The following CCDC187 variants were observed in gnomAD, a reference collection of about 807,000 sequenced individuals.
The protein encoded by CCDC187 is coiled-coil domain-containing protein 187.
Under a neutral mutation model 38.0 loss-of-function variants are expected in CCDC187, and 32 were observed. That is an observed-to-expected ratio of 0.84 (90% CI 0.64 to 1.13). The LOEUF (loss-of-function observed/expected upper bound fraction) is 1.13. Among genes scored for constraint, CCDC187 ranks in the 50% most tolerant of loss-of-function variants. CCDC187 has a pLI of 0.00. For synonymous variants in CCDC187, 333 were observed against 347.9 expected (o/e 0.96, Z 0.48); for missense variants, 707 against 786.8 (o/e 0.90, Z 1.21).
intron 15 of CCDC187, chr9:136,267,818 C>T (rs1196417241): frequency 1.0e-6 from 1 of 981,404 alleles, no homozygotes; most frequent in Non-Finnish European, 1.2e-6. Flanking sequence ...GCTAACCCTG[C>T]CCAAAGCACC....
In CCDC187 at chr9:136,258,029, G is replaced by A. The variant is rs1019982367; in HGVS notation, c.4366+903C>T. Among the ~76,000 whole-genome samples the A allele has an allele frequency of 6.6e-6, 1 of 152,188 alleles. No homozygotes were observed. On this transcript the variant is annotated intron_variant, in intron 22 of 25. Transcript: ENST00000638797. This position sits in a 1 kb window ranked among gnomAD's most constrained non-coding sequence, Gnocchi z 4.3. ...CAGGCGCCTGGCTGGCCCCCCGAAC[G>A]GTGACAGCTGGTACACGTGGCCATG... is the stretch of plus-strand genomic sequence containing the variant.
At chr9:136,294,201 C>T (rs1354084498) in intron 4 of CCDC187, among the ~76,000 whole-genome samples, 2 of 151,608 alleles carry the variant, frequency 1.3e-5, no homozygotes, top group African/African-American at 4.9e-5. Context: ...CACATGTGCT[C>T]TCACACACAC....
chr9:136,306,216 G>A (rs1204907531), upstream of CCDC187, among the ~76,000 whole-genome samples: 1 of 152,164 alleles, frequency 6.6e-6, no homozygotes, highest in Non-Finnish European at 1.5e-5. Flanking sequence ...CTGCAGCCAG[G>A]CCCAGCCAGC....
At position 136,281,551 on chromosome 9, in the gene CCDC187, C is replaced by T. The variant is rs1383133821; in HGVS notation, c.3040G>A (p.Gly1014Ser). 3.3e-5 allele frequency: 13 copies of T among 398,570 alleles called. No individual in the cohort carries two copies. The highest frequency in any genetic ancestry group is 2.1e-4 in the East Asian group (6 of 28,064). The allele number at this position is 398,570 out of a possible 1,614,324, so 24.7% of individuals were successfully genotyped here. ...SVAPCTPRSC[G>S]QQEDPCVRCL... ...GGCCTGTCCGCAGGGTCGCCCTTAC[C>T]GCAGCTCCGGGGGGTGCAGGGCGCC... The change falls in exon 10 of 26, where the codon GGT (glycine) becomes AGT (serine). Residue 1014 changes from glycine to serine, a missense_variant and splice_region_variant. Transcript: ENST00000638797.
At chr9:136,260,377 A>C in intron 19 of CCDC187, 113 bp from the exon 20 acceptor site, 2 of 801,592 alleles carry the variant, frequency 2.5e-6, no homozygotes, top group Non-Finnish European at 1.5e-6. Context: ...ACCTCATGTC[A>C]CATCCAGGGA....
Position 136,250,279 on chromosome 9 carries a change from AG to A in CCDC187, c.*3314del, listed in dbSNP as rs535842580. 199 of 167,794 alleles carry A rather than the reference AG, an allele frequency of 1.2e-3. No individual in the cohort carries two copies. Among genetic ancestry groups the A allele is most frequent in the African/African-American group, 4.6e-3 (191 of 41,738 alleles). The allele number at this position is 167,794 out of a possible 1,614,324, so 10.4% of individuals were successfully genotyped here. A position where few individuals can be genotyped will look rare whatever the true frequency, so the allele number is the denominator to read the frequency against. ...CGTTCCTCACGACCAGCCCCCTTCA[AG>A]GGCACCCTACCACCTGCCAGCGACG... On this transcript the variant is annotated 3_prime_UTR_variant, in exon 26 of 26. Coordinates refer to ENST00000638797, the MANE Select transcript of CCDC187 (RefSeq NM_001378188.1).
chr9:136,302,242 C>T (rs1353447671), intron 2 of CCDC187, among the ~76,000 whole-genome samples: 1 of 152,090 alleles, frequency 6.6e-6, no homozygotes, highest in African/African-American at 2.4e-5. Context: ...TCCCTGTTTT[C>T]TTAGGAAAAG....
rs934086260 is a variant in CCDC187 at position 136,263,756 on chromosome 9, G to A, written c.3778C>T (p.Arg1260Trp). ...TGCTGCAGAAGCAGCTTCCTGTCCCGGTGCCTGAACAGCTGCGTGTGTCTC... is the reference window on the plus strand; with the variant it reads ...TGCTGCAGAAGCAGCTTCCTGTCCCAGTGCCTGAACAGCTGCGTGTGTCTC... ...YLRHTQLFRHRDRKLLLQHQR... is the reference protein window; with the variant it reads ...YLRHTQLFRHWDRKLLLQHQR... Residue 1260 changes from arginine to tryptophan, a missense_variant, in exon 18 of 26, where the codon CGG (arginine) becomes TGG (tryptophan). By Grantham distance (101) the Arg-to-Trp change is moderately radical. Transcript: ENST00000638797. 11 of 985,358 alleles carry A rather than the reference G, an allele frequency of 1.1e-5. No individual in the cohort carries two copies. Among genetic ancestry groups the A allele is most frequent in the East Asian group, 2.3e-4 (2 of 8,826 alleles). 61.0% of individuals were successfully genotyped at this position (985,358 alleles called of 1,614,324 possible).
Position 136,291,261 on chromosome 9 carries a change from C to T in CCDC187, c.1352G>A (p.Ser451Asn). 1 of 398,842 alleles carries T rather than the reference C, an allele frequency of 2.5e-6. No homozygotes were observed. Among genetic ancestry groups the T allele is most frequent in the Non-Finnish European group, 4.4e-6 (1 of 226,188 alleles). The allele number at this position is 398,842 out of a possible 1,614,324, so 24.7% of individuals were successfully genotyped here. ...ARSVHTWEPW[S>N]SSTARESCPQ... ...ACAGGACTCCCGTGCAGTGGAGGAGCTCCAGGGCTCCCAGGTGTGGACACT... is the reference window on the plus strand; with the variant it reads ...ACAGGACTCCCGTGCAGTGGAGGAGTTCCAGGGCTCCCAGGTGTGGACACT... The change falls in exon 6 of 26, where the codon AGC becomes AAC. Residue 451 changes from serine (S) to asparagine (N), a missense_variant. By Grantham distance (46) the Ser-to-Asn change is conservative. Transcript: ENST00000638797.
At chr9:136,293,373 ACACTCACACT>A (rs1831410441) in intron 4 of CCDC187, among the ~76,000 whole-genome samples, 1 of 139,032 alleles carries the variant, frequency 7.2e-6, no homozygotes, top group Non-Finnish European at 1.6e-5. Context: ...ACATGCTCAC[ACACTCACACT>A]CACATGCTCA....
intron 14 of CCDC187, among the ~76,000 whole-genome samples, chr9:136,268,873 C>G (rs73670222): frequency 6.6e-6 from 1 of 152,182 alleles, no homozygotes. Flanking sequence ...GGCTTACTGC[C>G]TCAGAGAGTT....
chr9:136,259,363 G>A lies in CCDC187; in HGVS notation c.4296C>T (p.Pro1432=), dbSNP rs78449144. The A allele has an allele frequency of 0.018, 17,320 of 983,538 alleles. 804 individuals are homozygous for A. The East Asian group carries it at 0.23, about 13-fold the overall frequency. The allele number at this position is 983,538 out of a possible 1,614,324, so 60.9% of individuals were successfully genotyped here. ...PDGQRLGPAF[P]AEEAEGRLPT... ...AAGGGCTTCCAGGGAGAGTGCGTAC[G>A]GGAAAGGCTGGGCCCAGCCGCTGTC... The change falls in exon 21 of 26, where the codon CCC becomes CCT. Residue 1432 remains proline, a splice_region_variant and synonymous_variant. Transcript: ENST00000638797.
chr9:136,295,123 C>T (rs1016091625), intron 4 of CCDC187, among the ~76,000 whole-genome samples: 2 of 152,200 alleles, frequency 1.3e-5, no homozygotes, highest in Admixed American at 6.5e-5. Context: ...TGTCAAAGGC[C>T]GGAGTTGAGG....
At chr9:136,289,188 G>A (rs998572247) in intron 7 of CCDC187, among the ~76,000 whole-genome samples, 2 of 152,132 alleles carry the variant, frequency 1.3e-5, no homozygotes, top group African/African-American at 2.4e-5. Context: ...AGCCAGACCC[G>A]TACTTGGTGA....
chr9:136,267,610 C>G (rs1185728700), intron 15 of CCDC187, 99 bp from the exon 16 acceptor site: 5 of 985,504 alleles, frequency 5.1e-6, no homozygotes, highest in East Asian at 1.1e-4. Context: ...CGCCTAGCTT[C>G]TAGACCGCTC....
rs992544029 is a variant in CCDC187, at chr9:136,253,706, C to T, written c.6122G>A (p.Gly2041Glu). Residue 2041 changes from glycine to glutamate, a missense_variant, in exon 26 of 26, where the codon GGG (glycine) becomes GAG (glutamate). Transcript: ENST00000638797. Reference protein sequence around the residue: ...CSDAFPSPPSGPLEEDTAITT... With the variant: ...CSDAFPSPPSEPLEEDTAITT... ...GATGGCGGTGTCCTCCTCAAGGGGC[C>T]CCGAGGGCGGGGAAGGGAAGGCATC... 3 of 985,416 alleles carry T rather than the reference C, an allele frequency of 3.0e-6. No individual in the cohort carries two copies. The East Asian group carries it at 3.4e-4, about 112-fold the overall frequency. The allele number at this position is 985,416 out of a possible 1,614,324, so 61.0% of individuals were successfully genotyped here. A position where few individuals can be genotyped will look rare whatever the true frequency, so the allele number is the denominator to read the frequency against.
chr9:136,306,312 T>C (rs1046767449), upstream of CCDC187, among the ~76,000 whole-genome samples: 199 of 152,286 alleles, frequency 1.3e-3, 1 homozygote, highest in Non-Finnish European at 2.5e-3. Flanking sequence ...GCAGCCACAC[T>C]GCTCTCTCCA....
chr9:136,303,211 C>A lies in CCDC187; in HGVS notation c.226G>T (p.Ala76Ser). The A allele has an allele frequency of 2.5e-6, 1 of 398,508 alleles. No homozygotes were observed. Among genetic ancestry groups the A allele is most frequent in the Non-Finnish European group, 4.4e-6 (1 of 226,084 alleles). 24.7% of individuals were successfully genotyped at this position (398,508 alleles called of 1,614,324 possible). A position where few individuals can be genotyped will look rare whatever the true frequency, so the allele number is the denominator to read the frequency against. Reference protein sequence around the residue: ...PSQQPDPPWAAPHVVGSDDLK... With the variant: ...PSQQPDPPWASPHVVGSDDLK... ...TCGTCAGACCCGACCACGTGGGGAG[C>A]TGCCCAGGGTGGGTCTGGCTGCTGG... The change falls in exon 2 of 26, where the codon GCT becomes TCT. Residue 76 changes from alanine (A) to serine (S), a missense_variant. By Grantham distance (99) the Ala-to-Ser change is moderately conservative (BLOSUM62 1). Coordinates refer to ENST00000638797, the MANE Select transcript of CCDC187 (RefSeq NM_001378188.1).
intron 10 of CCDC187, among the ~76,000 whole-genome samples, chr9:136,280,295 TCA>T (rs1831012915): frequency 6.6e-6 from 1 of 152,200 alleles, no homozygotes; most frequent in African/African-American, 2.4e-5. Context: ...GCCTGCTCTC[TCA>T]GTGCCAGGCA....
Sources: allele counts gnomAD v4.1 joint callset (sites outside exome capture counted in the v4.1 genomes callset), GRCh38; gene constraint gnomAD v4.1.1; non-coding constraint Gnocchi (gnomAD v3.1); transcripts MANE v1.5; gene names NCBI Gene and HGNC (gene_info 2026-07-23, HGNC 2026-07-21).